MEIOB: variants seen among roughly 807,000 people sequenced by gnomAD.
The protein encoded by MEIOB is meiosis specific with OB-fold, also known as meiosis-specific with OB domain-containing protein.
In MEIOB, 50 loss-of-function variants were observed where a neutral mutation model predicts 53.1. The ratio of observed to expected loss-of-function variants is 0.94; its 90% CI spans 0.75 to 1.19. The LOEUF is 1.19. MEIOB is among the 50% of genes most tolerant of loss of function. The pLI, the probability that MEIOB is intolerant of heterozygous loss-of-function variation, is 0.00. For synonymous variants in MEIOB, 192 were observed against 182.5 expected, an observed-to-expected ratio of 1.05 and a Z score of -0.42; for missense variants, 551 against 550.8, an observed-to-expected ratio of 1.00 and a Z score of 0.00.
chr16:1,860,801 C>T (rs1480343074), intron 4 of MEIOB, among the ~76,000 whole-genome samples: 1 of 152,116 alleles, frequency 6.6e-6, no homozygotes, highest in Non-Finnish European at 1.5e-5. Context: ...TAGAGAGATA[C>T]CATACATTGT....
Position 1,853,059 on chromosome 16 carries a change from G to T in MEIOB, c.758C>A (p.Thr253Asn). The change falls in exon 9 of 14, where the codon ACC (threonine) becomes AAC (asparagine). Residue 253 changes from threonine (T) to asparagine (N), a missense_variant. Transcript: ENST00000325962. ...TTTACCTGGATTAGTTGTAATAATG[G>T]TTTTTGAGATTACAGTTGCTGTCAT... ...NCMTATVISKTIITTNPDIPE... is the reference protein window; with the variant it reads ...NCMTATVISKNIITTNPDIPE... 7 of 1,611,550 alleles carry T rather than the reference G, an allele frequency of 4.3e-6. No homozygotes were observed. The highest frequency in any genetic ancestry group is 5.9e-6 in the Non-Finnish European group (7 of 1,178,064).
At chr16:1,855,275 T>C (rs1899271634) in intron 6 of MEIOB, among the ~76,000 whole-genome samples, 1 of 151,826 alleles carries the variant, frequency 6.6e-6, no homozygotes, top group African/African-American at 2.4e-5. Context: ...CTACTAAAAA[T>C]ACAAAAATTA....
At chr16:1,857,227 G>A (rs1296432978) in intron 6 of MEIOB, among the ~76,000 whole-genome samples, 1 of 152,126 alleles carries the variant, frequency 6.6e-6, no homozygotes, top group East Asian at 1.9e-4. Context: ...CCCCACGGAG[G>A]GCCATCCTCC....
At chr16:1,847,228 G>A (rs530006908) in intron 9 of MEIOB, among the ~76,000 whole-genome samples, 34 of 152,088 alleles carry the variant, frequency 2.2e-4, no homozygotes, top group African/African-American at 8.0e-4. Context: ...GTGGGAGGCT[G>A]AGGCAGGTGG....
At chr16:1,846,204 T>C (rs1899022879) in intron 9 of MEIOB, among the ~76,000 whole-genome samples, 1 of 152,144 alleles carries the variant, frequency 6.6e-6, no homozygotes, top group East Asian at 1.9e-4. Flanking sequence ...GAGATATGCA[T>C]CATGAATTGC....
intron 1 of MEIOB, among the ~76,000 whole-genome samples, chr16:1,868,956 T>C (rs1337203678): frequency 6.6e-6 from 1 of 152,124 alleles, no homozygotes; most frequent in Non-Finnish European, 1.5e-5. Context: ...TGTAAATTAA[T>C]ATCGATTAAA....
At chr16:1,847,377 G>A (rs2142084378) in intron 9 of MEIOB, among the ~76,000 whole-genome samples, 1 of 151,616 alleles carries the variant, frequency 6.6e-6, no homozygotes, top group African/African-American at 2.4e-5. Flanking sequence ...CAGGAGAATT[G>A]CTTGAACCCT....
intron 1 of MEIOB, among the ~76,000 whole-genome samples, chr16:1,871,010 G>A (rs1312165590): frequency 2.6e-5 from 4 of 151,910 alleles, no homozygotes; most frequent in Non-Finnish European, 5.9e-5. Flanking sequence ...GTGGGACATG[G>A]TATCCTATTA....
intron 13 of MEIOB, 159 bp downstream of exon 13, chr16:1,837,625 G>T: frequency 2.1e-6 from 1 of 479,204 alleles, no homozygotes; most frequent in Non-Finnish European, 3.8e-6. Context: ...AAAACCCCTG[G>T]CTATTTCCTT....
Position 1,857,750 on chromosome 16 carries a change from A to G in MEIOB, c.513T>C (p.Leu171=). The change falls in exon 6 of 14, where the codon CTT becomes CTC. Residue 171 remains leucine, a synonymous_variant. Transcript: ENST00000325962. ...TTTAACTTACCGATTTCACAGCTGC[A>G]AGCACGTTAATAATCCTCCCATTAA... ...HSLNGRIINV[L]AAVKSVGEPK... is the part of the protein sequence containing the mutation. The G allele has an allele frequency of 7.1e-6, 11 of 1,551,396 alleles. No homozygotes were observed. Among genetic ancestry groups the G allele is most frequent in the Non-Finnish European group, 8.7e-6 (10 of 1,146,884 alleles).
intron 5 of MEIOB, among the ~76,000 whole-genome samples, chr16:1,858,637 T>C (rs916420756): frequency 5.3e-5 from 8 of 152,182 alleles, no homozygotes; most frequent in African/African-American, 1.7e-4. Flanking sequence ...AGACCATCAT[T>C]GTGGCTACCA....
chr16:1,852,514 G>A (rs1273520144), intron 9 of MEIOB, among the ~76,000 whole-genome samples: 1 of 150,980 alleles, frequency 6.6e-6, no homozygotes, highest in East Asian at 1.9e-4. Context: ...GCCCACCTTG[G>A]CCTCCCAAAG....
chr16:1,837,221 C>T (rs1470077149), intron 13 of MEIOB, among the ~76,000 whole-genome samples: 2 of 152,126 alleles, frequency 1.3e-5, no homozygotes, highest in African/African-American at 4.8e-5. Context: ...TCTGCAGGGT[C>T]TCACAGGCTG....
chr16:1,845,262 G>GT (rs1488385440), intron 9 of MEIOB, among the ~76,000 whole-genome samples: 4 of 152,220 alleles, frequency 2.6e-5, no homozygotes, highest in African/African-American at 9.6e-5. Context: ...GCTCACGCCT[G>GT]TAATCCCAGC....
At chr16:1,856,523 G>C (rs1220255175) in intron 6 of MEIOB, among the ~76,000 whole-genome samples, 30 of 152,208 alleles carry the variant, frequency 2.0e-4, no homozygotes, top group African/African-American at 6.7e-4. Flanking sequence ...GTTTCACCGT[G>C]TTAGCCAGGA....
chr16:1,850,986 AG>A (rs1899156585), intron 9 of MEIOB, among the ~76,000 whole-genome samples: 1 of 152,212 alleles, frequency 6.6e-6, no homozygotes, highest in Non-Finnish European at 1.5e-5. Context: ...CCTCCAGGAA[AG>A]AAAAAACTGA....
At chr16:1,867,462 A>ATTTTTTTT (rs869208139) in intron 2 of MEIOB, among the ~76,000 whole-genome samples, 27 of 102,938 alleles carry the variant, frequency 2.6e-4, no homozygotes, top group Admixed American at 3.7e-4. Context: ...AAATGGTTTA[A>ATTTTTTTT]TTTTTTTTTT....
At chr16:1,842,886 T>C (rs1388608126) in intron 10 of MEIOB, among the ~76,000 whole-genome samples, 2 of 148,778 alleles carry the variant, frequency 1.3e-5, no homozygotes, top group Non-Finnish European at 3.0e-5. Context: ...ATGGTTTCCA[T>C]CTCCTGACCT....
chr16:1,839,088 C>A (rs1268722748), intron 12 of MEIOB, among the ~76,000 whole-genome samples, 167 bp downstream of exon 12: 1 of 152,126 alleles, frequency 6.6e-6, no homozygotes, highest in African/African-American at 2.4e-5. Context: ...AAATATGTAA[C>A]ATTTGTTCAT....
Sources: gnomAD v4.1 joint callset for allele counts (sites outside exome capture counted in the v4.1 genomes callset) on GRCh38, gnomAD v4.1.1 for gene constraint, MANE v1.5 for transcripts, NCBI Gene and HGNC (gene_info 2026-07-23, HGNC 2026-07-21) for gene names.